Variants in FGGY observed in about 807,000 individuals in gnomAD.
FGGY encodes the protein FGGY carbohydrate kinase domain-containing protein.
FGGY carries 72 observed loss-of-function variants against 71.3 expected under a neutral mutation model. The observed-to-expected ratio is 1.01, with a 90% CI of 0.84 to 1.23. FGGY has a LOEUF of 1.23. Ranked by LOEUF, FGGY falls within the 50% of genes most tolerant of loss-of-function variation. The pLI is 0.00. For missense variants in FGGY, 668 were observed against 682.3 expected (o/e 0.98, Z 0.23); for synonymous variants, 251 against 250.3 (o/e 1.00, Z -0.02).
rs1018612872 is a variant in FGGY at position 59,747,035 on chromosome 1, T to C, written c.1513-10896T>C. ...CAAATATCAGTTGCCATTATAATTA[T>C]TGTTATTGAGTTACTATTATTTAAT... On this transcript the variant is annotated intron_variant, in intron 14 of 15. Transcript: ENST00000303721. Among the ~76,000 whole-genome samples the C allele has an allele frequency of 5.9e-5, 9 of 152,328 alleles. No homozygotes were observed. The South Asian group carries it at 6.2e-4, about 11-fold the overall frequency.
intron 7 of FGGY, among the ~76,000 whole-genome samples, chr1:59,527,660 T>C (rs2095028825): frequency 6.6e-6 from 1 of 152,240 alleles, no homozygotes; most frequent in Non-Finnish European, 1.5e-5. Flanking sequence ...AATGTTTGCA[T>C]CTTCATTTTG....
chr1:59,624,020 C>G (rs878947924), intron 9 of FGGY, among the ~76,000 whole-genome samples: 5 of 152,142 alleles, frequency 3.3e-5, no homozygotes, highest in Admixed American at 3.3e-4. Context: ...TCTTGATGCT[C>G]TCAGTGGATT....
chr1:59,457,245 G>A (rs1385162390), intron 6 of FGGY, among the ~76,000 whole-genome samples, 169 bp downstream of exon 6: 3 of 152,174 alleles, frequency 2.0e-5, no homozygotes, highest in African/African-American at 7.2e-5. Context: ...GCCATGACTA[G>A]TAGGCTCTTG....
At position 59,750,960 on chromosome 1, in the gene FGGY, G is replaced by A. The variant is rs772296442; in HGVS notation, c.1513-6971G>A. ...ATTGATGCATCTCACTGATACACAC[G>A]TGCTCGTCTCACTCCAGGTAATCAC... On this transcript the variant is annotated intron_variant, in intron 14 of 15. Transcript: ENST00000303721. 1.8e-4 allele frequency among the ~76,000 whole-genome samples: 28 copies of A among 151,574 alleles called. 1 individual carries two copies. The highest frequency in any genetic ancestry group is 1.0e-3 in the South Asian group (5 of 4,806).
In FGGY at chr1:59,346,397, A is replaced by G. The variant is rs754065271; in HGVS notation, c.464A>G (p.Glu155Gly). Residue 155 changes from glutamate (E) to glycine (G), a missense_variant and splice_region_variant, in exon 4 of 16, where the codon GAG becomes GGG. Physicochemically the swap from Glu to Gly is moderately conservative, Grantham distance 98 (BLOSUM62 -2). This residue lies in a region of FGGY where 661 missense variants were observed against 661.6 expected (regional missense o/e 1.00). Coordinates refer to ENST00000303721, the MANE Select transcript of FGGY (RefSeq NM_018291.5). ...MQAPKLLWLK[E>G]NLREICWDKA... ...GCCCCGAAACTTCTGTGGCTGAAAG[A>G]GGTGAGTGCATAGGGTCTAAGAGAA... 19 of 1,611,142 alleles carry G rather than the reference A, an allele frequency of 1.2e-5. No homozygotes were observed. The African/African-American group carries it at 1.9e-4, about 16-fold the overall frequency.
intron 5 of FGGY, among the ~76,000 whole-genome samples, chr1:59,420,310 A>G (rs1051570248): frequency 1.3e-5 from 2 of 152,218 alleles, no homozygotes; most frequent in Admixed American, 6.5e-5. Context: ...AATTTTTCCA[A>G]TGGTGGTACA....
At chr1:59,636,710 A>G (rs529926647) in intron 10 of FGGY, among the ~76,000 whole-genome samples, 2 of 152,224 alleles carry the variant, frequency 1.3e-5, no homozygotes, top group Admixed American at 6.5e-5. Context: ...TCAATGCTCT[A>G]CTCATTGGTT....
At chr1:59,629,639 T>C (rs1289975289) in intron 10 of FGGY, among the ~76,000 whole-genome samples, 1 of 152,216 alleles carries the variant, frequency 6.6e-6, no homozygotes, top group Non-Finnish European at 1.5e-5. Flanking sequence ...TCTGCATGTA[T>C]TTCTGTGAAG....
At chr1:59,715,322 G>T (rs1383908470) in intron 14 of FGGY, among the ~76,000 whole-genome samples, 2 of 152,196 alleles carry the variant, frequency 1.3e-5, no homozygotes, top group Non-Finnish European at 2.9e-5. Flanking sequence ...CCCTTAGAGG[G>T]TGGTGAACAT....
chr1:59,303,639 A>T (rs2043076600), intron 1 of FGGY, among the ~76,000 whole-genome samples: 1 of 152,092 alleles, frequency 6.6e-6, no homozygotes, highest in South Asian at 2.1e-4. Context: ...ACTATATCAT[A>T]TGGTAGTTCT....
At chr1:59,322,302 A>C (rs1308418135) in intron 2 of FGGY, among the ~76,000 whole-genome samples, 1 of 150,778 alleles carries the variant, frequency 6.6e-6, no homozygotes, top group Non-Finnish European at 1.5e-5. Context: ...TTTTTAATTA[A>C]AAAAAGTTCA....
At chr1:59,563,294 T>C (rs2095823007) in intron 8 of FGGY, among the ~76,000 whole-genome samples, 1 of 152,196 alleles carries the variant, frequency 6.6e-6, no homozygotes, top group African/African-American at 2.4e-5. Context: ...TTATGGATTG[T>C]TTTTAGCATG....
At chr1:59,547,660 T>A (rs182262414) in intron 7 of FGGY, among the ~76,000 whole-genome samples, 1 of 152,162 alleles carries the variant, frequency 6.6e-6, no homozygotes, top group Non-Finnish European at 1.5e-5. Flanking sequence ...CACAAAGCAA[T>A]CTCCCAATAA....
intron 5 of FGGY, among the ~76,000 whole-genome samples, chr1:59,383,617 A>G (rs571212346): frequency 5.0e-4 from 76 of 152,126 alleles, no homozygotes; most frequent in Non-Finnish European, 1.9e-4. Flanking sequence ...CTTAAGTCTC[A>G]TAAGAAATGT....
At chr1:59,632,518 T>C (rs986553844) in intron 10 of FGGY, among the ~76,000 whole-genome samples, 10 of 152,210 alleles carry the variant, frequency 6.6e-5, no homozygotes, top group African/African-American at 2.4e-4. Flanking sequence ...TAGTCCTCTA[T>C]ATCGCGAATC....
intron 5 of FGGY, among the ~76,000 whole-genome samples, chr1:59,445,218 T>TG (rs1293450697): frequency 1.4e-4 from 22 of 152,206 alleles, no homozygotes; most frequent in Non-Finnish European, 2.9e-4. Flanking sequence ...GCTTCTGAGG[T>TG]ATGCACAGCA....
intron 6 of FGGY, among the ~76,000 whole-genome samples, chr1:59,487,828 C>T (rs1039006028): frequency 1.3e-5 from 2 of 151,964 alleles, no homozygotes; most frequent in Non-Finnish European, 2.9e-5. Flanking sequence ...CCCCAAGGCT[C>T]CTCCTCAGCC....
intron 6 of FGGY, among the ~76,000 whole-genome samples, chr1:59,512,038 T>C (rs1042335099): frequency 6.6e-6 from 1 of 152,200 alleles, no homozygotes; most frequent in African/African-American, 2.4e-5. Context: ...TTATATTCCT[T>C]TTGAAATTTC....
chr1:59,563,705 G>A (rs2095830865), intron 8 of FGGY, among the ~76,000 whole-genome samples: 2 of 152,040 alleles, frequency 1.3e-5, no homozygotes, highest in Admixed American at 1.3e-4. Context: ...AATTTCATAT[G>A]GAACCAAAAA....
Sources: gnomAD v4.1 joint callset for allele counts (sites outside exome capture counted in the v4.1 genomes callset) on GRCh38, gnomAD v4.1.1 for gene constraint, gnomAD v4.1.1 regional missense constraint, MANE v1.5 for transcripts, NCBI Gene and HGNC (gene_info 2026-07-23, HGNC 2026-07-21) for gene names.